The following MRPL39 variants were observed in gnomAD, a reference collection of about 807,000 sequenced individuals.
MRPL39 encodes the protein large ribosomal subunit protein mL39.
In MRPL39, 35 loss-of-function variants were observed where a neutral mutation model predicts 44.5. The observed-to-expected ratio is 0.79, with a 90% CI of 0.60 to 1.04. The LOEUF (loss-of-function observed/expected upper bound fraction) is 1.04, where lower values mean the gene tolerates loss of function less well. Ranked by LOEUF, MRPL39 falls within the 50% of genes least tolerant of loss-of-function variation. The probability of loss-of-function intolerance (pLI) is 0.00; values close to 1 mark genes in which losing one functional copy is unlikely to be tolerated. For missense variants in MRPL39, 433 were observed against 413.5 expected, an observed-to-expected ratio of 1.05 and a Z score of -0.41; for synonymous variants, 139 against 136.1, an observed-to-expected ratio of 1.02 and a Z score of -0.15.
chr21:25,607,582 T>G, upstream of MRPL39: 1 of 1,120,322 alleles, frequency 8.9e-7, no homozygotes. Context: ...GACCCAGCAC[T>G]CAGACTGCTC....
At chr21:25,593,373 T>G (rs913406253) in intron 7 of MRPL39, among the ~76,000 whole-genome samples, 3 of 152,198 alleles carry the variant, frequency 2.0e-5, no homozygotes, top group Non-Finnish European at 4.4e-5. Context: ...GTCCAATTCA[T>G]AAAAACAGGA....
intron 1 of MRPL39, 79 bp downstream of exon 1, chr21:25,607,324 C>G: frequency 1.3e-6 from 2 of 1,520,718 alleles, no homozygotes; most frequent in Non-Finnish European, 1.8e-6. Flanking sequence ...GGGACCTCCC[C>G]GGCCCCGCCT....
At chr21:25,603,679 G>T in intron 3 of MRPL39, 117 bp downstream of exon 3, 1 of 1,081,944 alleles carries the variant, frequency 9.2e-7, no homozygotes, top group Non-Finnish European at 1.3e-6. Context: ...TGACTAAAGA[G>T]TACGATACAA....
chr21:25,591,581 C>T lies in MRPL39; in HGVS notation c.921+1231G>A, dbSNP rs141143324. Among the ~76,000 whole-genome samples the T allele has an allele frequency of 2.6e-4, 39 of 152,028 alleles. 1 individual carries two copies. In the East Asian group the frequency reaches 6.9e-3, roughly 27 times the overall value. On this transcript the variant is annotated intron_variant, in intron 8 of 9. Transcript: ENST00000352957. The stretch of plus-strand genomic sequence containing the variant: ...TAAGTACATGAAAAAATGATCAATA[C>T]CATTGGTCAACAGAGAAATTCAAAT...
At chr21:25,607,280 G>A (rs1443367444) in intron 1 of MRPL39, 123 bp downstream of exon 1, 4 of 1,031,526 alleles carry the variant, frequency 3.9e-6, no homozygotes, top group African/African-American at 1.6e-5. Flanking sequence ...CGCCGCGGAG[G>A]GACTAAGAAA....
chr21:25,598,092 TA>T (rs1205987305), intron 5 of MRPL39, among the ~76,000 whole-genome samples: 1 of 152,148 alleles, frequency 6.6e-6, no homozygotes, highest in Non-Finnish European at 1.5e-5. Flanking sequence ...ATAATGAAAT[TA>T]TTTCCATAAA....
At chr21:25,590,382 TA>T (rs57382759) in intron 8 of MRPL39, among the ~76,000 whole-genome samples, 11,172 of 137,592 alleles carry the variant, frequency 0.081, 948 homozygotes, top group African/African-American at 0.21. Context: ...GCTAATGAGC[TA>T]AAAAAAAAAA....
intron 7 of MRPL39, among the ~76,000 whole-genome samples, chr21:25,593,532 T>G (rs2829812): frequency 6.6e-6 from 1 of 152,116 alleles, no homozygotes; most frequent in Non-Finnish European, 1.5e-5. Context: ...TACATGTATC[T>G]TAAGTAATTA....
intron 8 of MRPL39, among the ~76,000 whole-genome samples, 185 bp from the exon 9 acceptor site, chr21:25,589,067 T>C (rs1018660294): frequency 2.0e-5 from 3 of 152,238 alleles, no homozygotes; most frequent in Non-Finnish European, 2.9e-5. Context: ...GCTGCTTTTT[T>C]GCTTTCTTCA....
intron 9 of MRPL39, among the ~76,000 whole-genome samples, chr21:25,587,505 C>G (rs369355166): frequency 6.6e-6 from 1 of 152,158 alleles, no homozygotes; most frequent in African/African-American, 2.4e-5. Flanking sequence ...GAAAAATTGT[C>G]AATAAATATT....
intron 8 of MRPL39, among the ~76,000 whole-genome samples, chr21:25,590,367 T>C (rs1467366274): frequency 1.3e-5 from 2 of 148,854 alleles, no homozygotes; most frequent in Non-Finnish European, 3.0e-5. Context: ...CTAACGCTAA[T>C]GACAGCTAAT....
Position 25,593,595 on chromosome 21 carries a change from A to G in MRPL39, c.767+298T>C, listed in dbSNP as rs1454675289. Among the ~76,000 whole-genome samples the G allele has an allele frequency of 4.1e-4, 62 of 152,238 alleles. 1 individual carries two copies. Among genetic ancestry groups the G allele is most frequent in the Admixed American group, 4.0e-3 (61 of 15,282 alleles). ...CGATGTTCAATTCATCACAATGACT[A>G]TCTTGCCCAGTTTCAAAACACCTAA... On this transcript the variant is annotated intron_variant, in intron 7 of 9. Transcript: ENST00000352957.
chr21:25,607,498 C>T (rs1362237418), upstream of MRPL39: 14 of 1,607,732 alleles, frequency 8.7e-6, no homozygotes, highest in Non-Finnish European at 1.2e-5. Context: ...AACCGTCGCG[C>T]GCAAGTCCTT....
At chr21:25,604,617 T>C (rs1373269797) in intron 2 of MRPL39, among the ~76,000 whole-genome samples, 1 of 152,230 alleles carries the variant, frequency 6.6e-6, no homozygotes, top group African/African-American at 2.4e-5. Flanking sequence ...AACTCCCGGA[T>C]AAGCCAATCA....
chr21:25,599,823 T>C lies in MRPL39; in HGVS notation c.564A>G (p.Lys188=). The part of the protein sequence containing the change: ...AFCYDVVLDS[K]LDEWMPTKEN... ...CTTTTGTTGGCATCCACTCATCAAG[T>C]TTGCTATCCAAAACTACGTCATAAC... Residue 188 remains lysine (K), a synonymous_variant, in exon 5 of 10, where the codon AAA becomes AAG. Transcript: ENST00000352957. The C allele has an allele frequency of 6.2e-7, 1 of 1,613,668 alleles. No individual in the cohort carries two copies. The highest frequency in any genetic ancestry group is 1.1e-5 in the South Asian group (1 of 91,072).
intron 8 of MRPL39, among the ~76,000 whole-genome samples, chr21:25,590,172 T>C (rs1014844575): frequency 3.3e-5 from 5 of 152,142 alleles, no homozygotes; most frequent in African/African-American, 1.2e-4. Context: ...GGTGCATAGA[T>C]TCAGAATATG....
rs370711679 is a variant in MRPL39, at chr21:25,607,421, C to T, written c.55G>A (p.Gly19Ser). ...RALRLWLVAP[G>S]GGIKWRFIAT... ...AACTCACTCCATTTGATCCCGCCAC[C>T]GGGTGCGACCAGCCAGAGCCGCAGC... The change falls in exon 1 of 10, where the codon GGT becomes AGT. Residue 19 changes from glycine to serine, a missense_variant. Gly to Ser is a moderately conservative substitution (Grantham distance 56). Coordinates refer to ENST00000352957, the MANE Select transcript of MRPL39 (RefSeq NM_017446.4). The T allele has an allele frequency of 9.9e-6, 16 of 1,613,488 alleles. No individual in the cohort carries two copies. Among genetic ancestry groups the T allele is most frequent in the Admixed American group, 1.7e-5 (1 of 59,998 alleles).
intron 1 of MRPL39, 33 bp downstream of exon 1, chr21:25,607,370 T>C: frequency 6.2e-7 from 1 of 1,612,656 alleles, no homozygotes. Context: ...TATCTAGGCC[T>C]CGCTCCCTGT....
At chr21:25,603,025 ACTCT>A (rs1336491301) in intron 3 of MRPL39, among the ~76,000 whole-genome samples, 2 of 151,510 alleles carry the variant, frequency 1.3e-5, no homozygotes, top group East Asian at 3.9e-4. Flanking sequence ...TTCTTCCCTC[ACTCT>A]CTCTCTTGCC....
Sources: gnomAD v4.1 joint callset for allele counts (sites outside exome capture counted in the v4.1 genomes callset) on GRCh38, gnomAD v4.1.1 for gene constraint, MANE v1.5 for transcripts, NCBI Gene and HGNC (gene_info 2026-07-23, HGNC 2026-07-21) for gene names.